Variants in PAX3 observed in about 807,000 individuals in gnomAD.
The protein encoded by PAX3 is paired box protein Pax-3.
Under a neutral mutation model 51.6 loss-of-function variants are expected in PAX3, and 14 were observed. The ratio of observed to expected loss-of-function variants is 0.27; its 90% CI spans 0.18 to 0.42. PAX3 has a LOEUF of 0.42. PAX3 is among the 10% of genes least tolerant of loss of function. The probability of loss-of-function intolerance (pLI) is 1.00; values close to 1 mark genes in which losing one functional copy is unlikely to be tolerated. For synonymous variants in PAX3, 280 were observed against 253.4 expected, an observed-to-expected ratio of 1.11 and a Z score of -1.00; for missense variants, 540 against 642.8, an observed-to-expected ratio of 0.84 and a Z score of 1.73.
chr2:222,246,955 C>G (rs45468591), intron 4 of PAX3, among the ~76,000 whole-genome samples: 14,600 of 152,258 alleles, frequency 0.096, 905 homozygotes, highest in East Asian at 0.32. Context: ...GCCAATTTCT[C>G]TATATGAGGG....
chr2:222,228,590 A>G (rs1692468758), intron 5 of PAX3, among the ~76,000 whole-genome samples: 1 of 152,092 alleles, frequency 6.6e-6, no homozygotes, highest in South Asian at 2.1e-4. Flanking sequence ...ATTTACAATA[A>G]ATGTTTATTT....
chr2:222,267,620 T>C (rs943515676), intron 4 of PAX3, among the ~76,000 whole-genome samples: 9 of 152,266 alleles, frequency 5.9e-5, no homozygotes, highest in African/African-American at 1.9e-4. Flanking sequence ...ATTTGGGACA[T>C]TTTGTGGTAT....
chr2:222,206,987 T>G (rs775143068), intron 7 of PAX3, among the ~76,000 whole-genome samples: 12 of 152,134 alleles, frequency 7.9e-5, no homozygotes, highest in Non-Finnish European at 4.4e-5. Flanking sequence ...ACATACACAT[T>G]TAGTTTGTTC....
intron 4 of PAX3, among the ~76,000 whole-genome samples, chr2:222,236,256 T>TTTTG (rs930197456): frequency 5.3e-5 from 8 of 152,118 alleles, no homozygotes; most frequent in Admixed American, 1.3e-4. Flanking sequence ...ATCATTTCAT[T>TTTTG]TTTGTTTGTT....
At chr2:222,228,594 T>C (rs1692468844) in intron 5 of PAX3, among the ~76,000 whole-genome samples, 1 of 152,144 alleles carries the variant, frequency 6.6e-6, no homozygotes, top group African/African-American at 2.4e-5. Flanking sequence ...ACAATAAATG[T>C]TTATTTTTCC....
intron 4 of PAX3, among the ~76,000 whole-genome samples, chr2:222,249,065 A>C (rs1693328541): frequency 6.6e-6 from 1 of 152,150 alleles, no homozygotes; most frequent in South Asian, 2.1e-4. Context: ...AAAACTGTGA[A>C]CGTGTTTAGT....
At chr2:222,291,229 C>A (rs1328525881) in intron 4 of PAX3, among the ~76,000 whole-genome samples, 1 of 152,190 alleles carries the variant, frequency 6.6e-6, no homozygotes, top group Non-Finnish European at 1.5e-5. Flanking sequence ...CAGGACTTGG[C>A]TCCCCCGGCT....
chr2:222,258,167 T>C (rs1337837464), intron 4 of PAX3, among the ~76,000 whole-genome samples: 1 of 152,182 alleles, frequency 6.6e-6, no homozygotes, highest in East Asian at 1.9e-4. Flanking sequence ...TATTACATCA[T>C]CCAGCTTTTT....
chr2:222,290,008 T>C (rs1429138721), intron 4 of PAX3, among the ~76,000 whole-genome samples: 1 of 152,186 alleles, frequency 6.6e-6, no homozygotes, highest in African/African-American at 2.4e-5. Flanking sequence ...ACCTATGATC[T>C]TATACCCAAT....
intron 8 of PAX3, 104 bp from the exon 9 acceptor site, chr2:222,201,546 C>A: frequency 6.7e-7 from 1 of 1,483,718 alleles, no homozygotes. Context: ...ACCGTGCTAT[C>A]AAAGGCTTGA....
intron 8 of PAX3, 52 bp from the exon 9 acceptor site, chr2:222,201,494 CAG>C (rs1173169497): frequency 8.1e-6 from 13 of 1,608,418 alleles, no homozygotes; most frequent in Non-Finnish European, 9.4e-6. Flanking sequence ...AATTCACAGT[CAG>C]GGGCAAGATC....
intron 3 of PAX3, 148 bp from the exon 4 acceptor site, chr2:222,294,449 T>C: frequency 2.5e-6 from 2 of 792,936 alleles, no homozygotes; most frequent in Non-Finnish European, 4.2e-6. Flanking sequence ...CCTGCATCTC[T>C]GGACATCCTC....
intron 7 of PAX3, among the ~76,000 whole-genome samples, chr2:222,215,487 C>T (rs1397175037): frequency 6.6e-6 from 1 of 150,768 alleles, no homozygotes; most frequent in Admixed American, 6.6e-5. Flanking sequence ...TTGTAGAAGT[C>T]GGGTGGGGGG....
At chr2:222,212,895 A>T (rs1265910053) in intron 7 of PAX3, among the ~76,000 whole-genome samples, 1 of 152,182 alleles carries the variant, frequency 6.6e-6, no homozygotes, top group Non-Finnish European at 1.5e-5. Context: ...TACAAAGAAA[A>T]ACTTTTTATC....
At chr2:222,230,159 G>T (rs1192701546) in intron 5 of PAX3, among the ~76,000 whole-genome samples, 1 of 151,320 alleles carries the variant, frequency 6.6e-6, no homozygotes, top group Non-Finnish European at 1.5e-5. Flanking sequence ...CTGGGCTACA[G>T]AATGAGACCC....
chr2:222,265,850 C>G (rs1158829142), intron 4 of PAX3, among the ~76,000 whole-genome samples: 1 of 152,202 alleles, frequency 6.6e-6, no homozygotes, highest in African/African-American at 2.4e-5. Context: ...GGCTAGAATT[C>G]TTGTTCATAC....
At chr2:222,251,523 G>C (rs1387143087) in intron 4 of PAX3, among the ~76,000 whole-genome samples, 1 of 152,112 alleles carries the variant, frequency 6.6e-6, no homozygotes, top group Non-Finnish European at 1.5e-5. Context: ...TGGACATTTG[G>C]CTTGGTTCCA....
chr2:222,279,708 A>T (rs566554541), intron 4 of PAX3, among the ~76,000 whole-genome samples: 28 of 152,216 alleles, frequency 1.8e-4, no homozygotes, highest in African/African-American at 6.5e-4. Flanking sequence ...TTGGGTTTTC[A>T]TGTTACAAAA....
At position 222,201,056 on chromosome 2, in the gene PAX3, C is replaced by T. The variant is rs556515680; in HGVS notation, c.*352G>A. On this transcript the variant is annotated 3_prime_UTR_variant, in exon 9 of 9. Coordinates refer to ENST00000392070, the MANE Select transcript of PAX3 (RefSeq NM_181458.4). ...CAATACACACACACACACACACACG[C>T]ACGCACGCACACAAGCAAATGGAAT... 4.9e-4 allele frequency: 525 copies of T among 1,069,070 alleles called. 5 individuals carry two copies. In the South Asian group the frequency reaches 6.9e-3, roughly 14 times the overall value. The allele number at this position is 1,069,070 out of a possible 1,614,324, so 66.2% of individuals were successfully genotyped here. A position where few individuals can be genotyped will look rare whatever the true frequency, so the allele number is the denominator to read the frequency against.
Sources: gnomAD v4.1 joint callset for allele counts (sites outside exome capture counted in the v4.1 genomes callset) on GRCh38, gnomAD v4.1.1 for gene constraint, MANE v1.5 for transcripts, NCBI Gene and HGNC (gene_info 2026-07-23, HGNC 2026-07-21) for gene names.